The following IFT52 variants were observed in gnomAD, a reference collection of about 807,000 sequenced individuals.
IFT52 encodes intraflagellar transport protein 52 homolog.
Under a neutral mutation model 54.4 loss-of-function variants are expected in IFT52, and 44 were observed. That is an observed-to-expected ratio of 0.81 (90% confidence interval 0.63 to 1.04). The LOEUF is 1.04. Ranked by LOEUF, IFT52 falls within the 50% of genes least tolerant of loss-of-function variation. The pLI, the probability that IFT52 is intolerant of heterozygous loss-of-function variation, is 0.00. For synonymous variants in IFT52, 181 were observed against 185.3 expected (o/e 0.98, Z 0.19); for missense variants, 452 against 523.6 (o/e 0.86, Z 1.33).
At chr20:43,642,654 G>A in intron 13 of IFT52, 30 bp downstream of exon 13, 1 of 1,609,024 alleles carries the variant, frequency 6.2e-7, no homozygotes, top group African/African-American at 1.3e-5. Context: ...CAGTGTAGTG[G>A]GAGCCCCTCC....
intron 7 of IFT52, among the ~76,000 whole-genome samples, chr20:43,614,703 A>G (rs1197782338): frequency 1.3e-5 from 2 of 152,092 alleles, no homozygotes; most frequent in Non-Finnish European, 2.9e-5. Context: ...ATACTAGGAA[A>G]ATATATCAGA....
chr20:43,600,466 G>A (rs1431012081), intron 3 of IFT52, among the ~76,000 whole-genome samples: 3 of 151,850 alleles, frequency 2.0e-5, no homozygotes, highest in South Asian at 2.1e-4. Context: ...CACCACGCCC[G>A]GCTAATTTTT....
Position 43,620,937 on chromosome 20 carries a change from A to G in IFT52, c.768+12A>G. ...CTGAGGACCCAGAGGTAGACACCGA[A>G]TTATTAGAAACTTTTAAATGAAAAA... On this transcript the variant is annotated intron_variant, in intron 9 of 13. Coordinates refer to ENST00000373030, the MANE Select transcript of IFT52 (RefSeq NM_016004.5). 1.9e-6 allele frequency: 3 copies of G among 1,599,380 alleles called. No homozygotes were observed. Among genetic ancestry groups the G allele is most frequent in the Non-Finnish European group, 2.6e-6 (3 of 1,168,732 alleles).
chr20:43,605,192 A>C, intron 6 of IFT52, 119 bp downstream of exon 6: 1 of 1,485,218 alleles, frequency 6.7e-7, no homozygotes, highest in Non-Finnish European at 8.9e-7. Context: ...ACAGTTCAAG[A>C]GGAAAAAAGT....
chr20:43,605,284 G>A (rs993800393), intron 6 of IFT52: 27 of 1,251,280 alleles, frequency 2.2e-5, no homozygotes, highest in African/African-American at 9.5e-5. Context: ...GGTGGCTCAC[G>A]CCTGTAATCC....
intron 10 of IFT52, among the ~76,000 whole-genome samples, chr20:43,635,019 T>A: frequency 6.6e-6 from 1 of 151,824 alleles, no homozygotes; most frequent in African/African-American, 2.4e-5. Context: ...AATACAAAAA[T>A]TAGCTGGGTG....
At chr20:43,635,680 G>C (rs1436634198) in intron 10 of IFT52, among the ~76,000 whole-genome samples, 1 of 152,120 alleles carries the variant, frequency 6.6e-6, no homozygotes, top group East Asian at 1.9e-4. Context: ...TGGGCATTTG[G>C]GTTGATTCCA....
Position 43,597,767 on chromosome 20 carries a change from G to A in IFT52, c.207+1245G>A, listed in dbSNP as rs150928321. On this transcript the variant is annotated intron_variant, in intron 3 of 13. Coordinates refer to ENST00000373030, the MANE Select transcript of IFT52 (RefSeq NM_016004.5). ...AAATTAGCCGGGCGTGATGGTGTGCGCCTGTAATCCCAACTACTTGGGAGG... is the reference window on the plus strand; with the variant it reads ...AAATTAGCCGGGCGTGATGGTGTGCACCTGTAATCCCAACTACTTGGGAGG... Among the ~76,000 whole-genome samples, 1,141 of 151,458 alleles carry A rather than the reference G, an allele frequency of 7.5e-3. 11 individuals carry two copies. The highest frequency in any genetic ancestry group is 0.026 in the African/African-American group (1,082 of 41,276).
intron 12 of IFT52, among the ~76,000 whole-genome samples, chr20:43,639,965 CA>C (rs1985803051): frequency 6.6e-6 from 1 of 152,036 alleles, no homozygotes. Context: ...CACTTGAGAC[CA>C]GCCTGGGCAA....
chr20:43,595,316 CAAAAAA>C (rs34012263), intron 2 of IFT52, among the ~76,000 whole-genome samples: 2 of 62,918 alleles, frequency 3.2e-5, no homozygotes, highest in Non-Finnish European at 2.9e-5. Context: ...GACTCCGTCT[CAAAAAA>C]AAAAAAAAAA....
At chr20:43,643,228 G>T (rs1381913450) in intron 13 of IFT52, among the ~76,000 whole-genome samples, 1 of 129,226 alleles carries the variant, frequency 7.7e-6, no homozygotes, top group Non-Finnish European at 1.6e-5. Flanking sequence ...GCTCACACCT[G>T]TAATCCCAGC....
rs1439987067 is a variant in IFT52 at position 43,613,906 on chromosome 20, T to C, written c.542T>C (p.Val181Ala). The C allele has an allele frequency of 6.2e-7, 1 of 1,614,002 alleles. No individual in the cohort carries two copies. Among genetic ancestry groups the C allele is most frequent in the Admixed American group, 1.7e-5 (1 of 60,004 alleles). Reference sequence around the variant, plus strand: ...ACATTGAGTGTCATGAAACCAGCAGTGGCGGTTCTGTCTACAGGTTCTGTC... The same window carrying C: ...ACATTGAGTGTCATGAAACCAGCAGCGGCGGTTCTGTCTACAGGTTCTGTC... The part of the protein sequence containing the change: ...GATLSVMKPA[V>A]AVLSTGSVCF... Residue 181 changes from valine (V) to alanine (A), a missense_variant, in exon 7 of 14, where the codon GTG becomes GCG. Val to Ala is a moderately conservative substitution (Grantham distance 64). Transcript: ENST00000373030.
chr20:43,641,947 C>T (rs1403066309), intron 12 of IFT52, among the ~76,000 whole-genome samples: 1 of 152,102 alleles, frequency 6.6e-6, no homozygotes, highest in East Asian at 1.9e-4. Flanking sequence ...GCCTGCATCA[C>T]CACATCTGGC....
rs1476992172 is a variant in IFT52 at position 43,603,881 on chromosome 20, TTAA to T, written c.334_336del (p.Asn112del). ...TTACTAGAAGAATATGGAATCATGG[TTAA>T]TAATGGTAATTAGTATTATTATTTT... On this transcript the variant is annotated inframe_deletion, in exon 4 of 14. Coordinates refer to ENST00000373030, the MANE Select transcript of IFT52 (RefSeq NM_016004.5). The T allele has an allele frequency of 6.8e-7, 1 of 1,461,638 alleles. No individual in the cohort carries two copies. The highest frequency in any genetic ancestry group is 9.5e-7 in the Non-Finnish European group (1 of 1,048,868). The allele number at this position is 1,461,638 out of a possible 1,614,324, so 90.5% of individuals were successfully genotyped here. A position where few individuals can be genotyped will look rare whatever the true frequency, so the allele number is the denominator to read the frequency against.
At chr20:43,596,401 G>A in intron 2 of IFT52, 34 bp from the exon 3 acceptor site, 3 of 1,346,308 alleles carry the variant, frequency 2.2e-6, no homozygotes, top group Non-Finnish European at 2.1e-6. Context: ...TTAAATTATG[G>A]ACTTCATATT....
chr20:43,603,943 A>G lies in IFT52; in HGVS notation c.337+54A>G, dbSNP rs115145793. On this transcript the variant is annotated intron_variant, in intron 4 of 13. Transcript: ENST00000373030. ...GCAGTACTTTTCTATCTATTATTTGATATCATAGCCCTCTAGGTCCAGTGG... is the reference window on the plus strand; with the variant it reads ...GCAGTACTTTTCTATCTATTATTTGGTATCATAGCCCTCTAGGTCCAGTGG... 2,604 of 1,271,978 alleles carry G rather than the reference A, an allele frequency of 2.0e-3. 48 individuals are homozygous for G. The African/African-American group carries it at 0.033, about 16-fold the overall frequency. The allele number at this position is 1,271,978 out of a possible 1,614,324, so 78.8% of individuals were successfully genotyped here.
intron 6 of IFT52, 64 bp downstream of exon 6, chr20:43,605,137 T>C: frequency 6.3e-7 from 1 of 1,584,652 alleles, no homozygotes; most frequent in East Asian, 2.2e-5. Context: ...TTTTTCAAAA[T>C]GAAAAGAGCT....
chr20:43,639,997 A>G (rs977279395), intron 12 of IFT52, among the ~76,000 whole-genome samples: 8 of 152,152 alleles, frequency 5.3e-5, no homozygotes, highest in Middle Eastern at 6.8e-3. Context: ...CCTCTTCTCT[A>G]TAGAAGAATA....
In IFT52 at chr20:43,646,968, C is replaced by G; in HGVS notation, c.1299C>G (p.Phe433Leu). The G allele has an allele frequency of 6.2e-7, 1 of 1,613,618 alleles. No individual in the cohort carries two copies. Among genetic ancestry groups the G allele is most frequent in the Non-Finnish European group, 8.5e-7 (1 of 1,179,586 alleles). ...ACATCGATACAAGTGAAACAGCATT[C>G]CAGAACAATTTCTGAAGACCATGCC... Reference protein sequence around the residue: ...EHDIDTSETAFQNNF With the variant: ...EHDIDTSETALQNNF The change falls in exon 14 of 14, where the codon TTC (phenylalanine) becomes TTG (leucine). Residue 433 changes from phenylalanine (F) to leucine (L), a missense_variant. Physicochemically the swap from Phe to Leu is conservative, Grantham distance 22. Transcript: ENST00000373030.
Sources: gnomAD v4.1 joint callset for allele counts (sites outside exome capture counted in the v4.1 genomes callset) on GRCh38, gnomAD v4.1.1 for gene constraint, MANE v1.5 for transcripts, NCBI Gene and HGNC (gene_info 2026-07-23, HGNC 2026-07-21) for gene names.